The following EVA1C variants were observed in gnomAD, a reference collection of about 807,000 sequenced individuals.
The protein encoded by EVA1C is protein eva-1 homolog C.
In EVA1C, 25 loss-of-function variants were observed where a neutral mutation model predicts 45.4. The observed-to-expected ratio is 0.55, with a 90% CI of 0.40 to 0.77. The LOEUF (loss-of-function observed/expected upper bound fraction) is 0.77, where lower values mean the gene tolerates loss of function less well. Among genes scored for constraint, EVA1C ranks in the 30% least tolerant of loss-of-function variants. The probability of loss-of-function intolerance (pLI) is 0.00; values close to 1 mark genes in which losing one functional copy is unlikely to be tolerated. For synonymous variants in EVA1C, 190 were observed against 221.2 expected, an observed-to-expected ratio of 0.86 and a Z score of 1.25; for missense variants, 479 against 554.8, an observed-to-expected ratio of 0.86 and a Z score of 1.37.
chr21:32,420,468 T>C (rs1475547615), intron 1 of EVA1C, among the ~76,000 whole-genome samples: 1 of 152,242 alleles, frequency 6.6e-6, no homozygotes. Flanking sequence ...CACTGCAGCC[T>C]CAACCTCTGG....
chr21:32,436,088 G>A (rs1158833668), intron 1 of EVA1C, among the ~76,000 whole-genome samples: 1 of 152,158 alleles, frequency 6.6e-6, no homozygotes, highest in African/African-American at 2.4e-5. Flanking sequence ...GCCTGAGACG[G>A]AGTCTTGCTC....
At chr21:32,470,752 T>TTTC (rs1471332094) in intron 4 of EVA1C, among the ~76,000 whole-genome samples, 4,100 of 150,546 alleles carry the variant, frequency 0.027, 183 homozygotes, top group African/African-American at 0.095. Flanking sequence ...TTCTTTCTTT[T>TTTC]TCTTTTTCTT....
chr21:32,482,762 G>A (rs1455138224), intron 4 of EVA1C, among the ~76,000 whole-genome samples: 1 of 151,956 alleles, frequency 6.6e-6, no homozygotes, highest in Non-Finnish European at 1.5e-5. Context: ...CCATTCAGCA[G>A]CCCTGTTCAC....
At position 32,452,204 on chromosome 21, in the gene EVA1C, G is replaced by A. The variant is rs1315634226; in HGVS notation, c.161-1108G>A. ...GATTTTTTTCCTGGTTTATAAAGGT[G>A]CTTCAGGACTCCTTGGCTCCTGGCC... On this transcript the variant is annotated intron_variant, in intron 1 of 7. Coordinates refer to ENST00000300255, the MANE Select transcript of EVA1C (RefSeq NM_058187.5). The surrounding 1 kb of genome is among the most constrained non-coding windows in gnomAD (Gnocchi z 4.0). 6.6e-6 allele frequency: 1 copy of A among 152,236 alleles called. No individual in the cohort carries two copies. Among genetic ancestry groups the A allele is most frequent in the African/African-American group, 2.4e-5 (1 of 41,454 alleles). The allele number at this position is 152,236 out of a possible 1,614,324, so 9.4% of individuals were successfully genotyped here.
intron 1 of EVA1C, among the ~76,000 whole-genome samples, chr21:32,419,765 T>G (rs934305731): frequency 6.8e-6 from 1 of 147,474 alleles, no homozygotes; most frequent in African/African-American, 2.5e-5. Context: ...AAAAACATAC[T>G]GTCACTGAAG....
rs138840855 is a variant in EVA1C, at chr21:32,452,830, C to T, written c.161-482C>T. ...CCACATCGCCCCGCTGTCGAAAGCC[C>T]GCCAGCATCTGCTGGTGTCTGTCAG... On this transcript the variant is annotated intron_variant, in intron 1 of 7. Coordinates refer to ENST00000300255, the MANE Select transcript of EVA1C (RefSeq NM_058187.5). The surrounding 1 kb of genome is among the most constrained non-coding windows in gnomAD (Gnocchi z 4.0). 1.1e-3 allele frequency: 162 copies of T among 152,850 alleles called. No homozygotes were observed. Among genetic ancestry groups the T allele is most frequent in the Non-Finnish European group, 1.4e-3 (94 of 68,434 alleles). 9.5% of individuals were successfully genotyped at this position (152,850 alleles called of 1,614,324 possible). A position where few individuals can be genotyped will look rare whatever the true frequency, so the allele number is the denominator to read the frequency against.
In EVA1C at chr21:32,426,159, T is replaced by A. The variant is rs1365677742; in HGVS notation, c.160+13146T>A. The stretch of plus-strand genomic sequence containing the variant: ...GGTTTTAGTCAGAATTTTTCCCCCT[T>A]CCTTTCCTCCAAGGACCTTGTCTAT... On this transcript the variant is annotated intron_variant, in intron 1 of 7. Transcript: ENST00000300255. 9.2e-5 allele frequency among the ~76,000 whole-genome samples: 14 copies of A among 152,222 alleles called. No individual in the cohort carries two copies. The South Asian group carries it at 2.7e-3, about 29-fold the overall frequency.
chr21:32,438,422 G>C (rs1052651408), intron 1 of EVA1C, among the ~76,000 whole-genome samples: 1 of 140,846 alleles, frequency 7.1e-6, no homozygotes, highest in Non-Finnish European at 1.5e-5. Flanking sequence ...ACTTGAACCC[G>C]AGAGGCAGAG....
At chr21:32,446,362 C>G (rs970141407) in intron 1 of EVA1C, among the ~76,000 whole-genome samples, 1 of 152,212 alleles carries the variant, frequency 6.6e-6, no homozygotes, top group Non-Finnish European at 1.5e-5. Context: ...CTGCCATCTT[C>G]CAGGATAGCA....
chr21:32,425,334 C>CACAA, intron 1 of EVA1C, among the ~76,000 whole-genome samples: 1 of 57,788 alleles, frequency 1.7e-5, no homozygotes, highest in Non-Finnish European at 3.3e-5. Flanking sequence ...GACTCCATCT[C>CACAA]AAAAAAAAAA....
At chr21:32,467,952 C>T (rs1425101190) in intron 4 of EVA1C, 104 bp downstream of exon 4, 1 of 710,026 alleles carries the variant, frequency 1.4e-6, no homozygotes, top group Non-Finnish European at 1.9e-6. Context: ...TTGTGAAAGT[C>T]AATACTTAAC....
At chr21:32,431,844 A>G (rs1214328160) in intron 1 of EVA1C, among the ~76,000 whole-genome samples, 1 of 150,312 alleles carries the variant, frequency 6.7e-6, no homozygotes, top group Non-Finnish European at 1.5e-5. Context: ...TTTCTCTTAT[A>G]TAACCAGGCA....
chr21:32,495,566 T>C (rs2037324953), intron 5 of EVA1C, among the ~76,000 whole-genome samples: 1 of 152,198 alleles, frequency 6.6e-6, no homozygotes, highest in South Asian at 2.1e-4. Flanking sequence ...CTTCCAGTTC[T>C]GCTTTTAGGC....
chr21:32,412,415 C>T (rs1056881568), upstream of EVA1C: 12 of 153,844 alleles, frequency 7.8e-5, no homozygotes. Context: ...GCGGGCAGGG[C>T]CACGGGTGCC....
rs2038093411 is a variant in EVA1C, at chr21:32,515,040, G to T, written c.1176G>T (p.Gly392=). The part of the protein sequence containing the change: ...SESDFPGELS[G]FCRTSYPIYS... ...CTGATTTCCCAGGGGAACTGTCGGG[G>T]TTCTGTAGGACTTCATATCCTATAT... is the stretch of plus-strand genomic sequence containing the variant. The change falls in exon 8 of 8, where the codon GGG becomes GGT. Residue 392 remains glycine (G), a synonymous_variant. Coordinates refer to ENST00000300255, the MANE Select transcript of EVA1C (RefSeq NM_058187.5). 1 of 1,614,036 alleles carries T rather than the reference G, an allele frequency of 6.2e-7. No individual in the cohort carries two copies. Among genetic ancestry groups the T allele is most frequent in the Admixed American group, 1.7e-5 (1 of 60,008 alleles).
chr21:32,484,373 A>G (rs999537938), intron 4 of EVA1C, among the ~76,000 whole-genome samples: 1 of 151,970 alleles, frequency 6.6e-6, no homozygotes, highest in Non-Finnish European at 1.5e-5. Flanking sequence ...GTGAAACCCC[A>G]TCTCTACTAA....
intron 5 of EVA1C, among the ~76,000 whole-genome samples, chr21:32,498,495 G>C (rs1392465051): frequency 6.6e-6 from 1 of 151,802 alleles, no homozygotes; most frequent in Non-Finnish European, 1.5e-5. Context: ...AGCAGTTGAG[G>C]GAGAAAGGCA....
intron 2 of EVA1C, among the ~76,000 whole-genome samples, 189 bp downstream of exon 2, chr21:32,453,697 C>T (rs1302201025): frequency 6.6e-6 from 1 of 152,132 alleles, no homozygotes. Flanking sequence ...GATTTGTTGC[C>T]CAACAAAACT....
chr21:32,466,762 T>G (rs1394703014), intron 3 of EVA1C, among the ~76,000 whole-genome samples: 1 of 152,108 alleles, frequency 6.6e-6, no homozygotes, highest in East Asian at 1.9e-4. Context: ...ACACTGTGCC[T>G]TGTTTTTGCC....
Sources: allele counts gnomAD v4.1 joint callset (sites outside exome capture counted in the v4.1 genomes callset), GRCh38; gene constraint gnomAD v4.1.1; non-coding constraint Gnocchi (gnomAD v3.1); transcripts MANE v1.5; gene names NCBI Gene and HGNC (gene_info 2026-07-23, HGNC 2026-07-21).